Variants in SORCS2 observed in about 807,000 individuals in gnomAD.
SORCS2 encodes sortilin related VPS10 domain containing receptor 2.
A neutral mutation model predicts 141.6 loss-of-function variants in SORCS2; 100 were observed. The observed-to-expected ratio is 0.71, with a 90% confidence interval of 0.60 to 0.83. SORCS2 has a LOEUF of 0.83. Among genes scored for constraint, SORCS2 ranks in the 40% least tolerant of loss-of-function variants. The pLI is 0.00. For missense variants in SORCS2, 1,646 were observed against 1,560.2 expected, an observed-to-expected ratio of 1.05 and a Z score of -0.93; for synonymous variants, 789 against 676.9, an observed-to-expected ratio of 1.17 and a Z score of -2.57.
chr4:7,402,700 G>T (rs949613804), intron 2 of SORCS2, among the ~76,000 whole-genome samples: 2 of 152,166 alleles, frequency 1.3e-5, no homozygotes, highest in Admixed American at 6.5e-5. Context: ...GCTTATCTGT[G>T]AGGTGACTCA....
rs532293962 is a variant in SORCS2 at position 7,434,389 on chromosome 4, G to A, written c.548+38034G>A. ...GGTAAGGGGCCCATTGGCCATGAACGGAGCCACAGCCTCAAAGGTGTCCTC... is the reference window on the plus strand; with the variant it reads ...GGTAAGGGGCCCATTGGCCATGAACAGAGCCACAGCCTCAAAGGTGTCCTC... On this transcript the variant is annotated intron_variant, in intron 2 of 26. Transcript: ENST00000507866. 20 of 1,607,266 alleles carry A rather than the reference G, an allele frequency of 1.2e-5. No homozygotes were observed. The highest frequency in any genetic ancestry group is 2.2e-5 in the East Asian group (1 of 44,642).
intron 3 of SORCS2, among the ~76,000 whole-genome samples, chr4:7,597,365 G>A (rs1250963515): frequency 6.6e-6 from 1 of 150,654 alleles, no homozygotes; most frequent in African/African-American, 2.4e-5. Context: ...ATGAGAGAGG[G>A]GGCTGTGCAA....
At chr4:7,398,160 G>A (rs1300249517) in intron 2 of SORCS2, among the ~76,000 whole-genome samples, 1 of 152,204 alleles carries the variant, frequency 6.6e-6, no homozygotes, top group African/African-American at 2.4e-5. Context: ...TCCTTGTGCG[G>A]TGGGGGTGGG....
intron 1 of SORCS2, among the ~76,000 whole-genome samples, chr4:7,336,105 G>A (rs1015626806): frequency 2.1e-4 from 32 of 152,344 alleles, no homozygotes; most frequent in African/African-American, 7.0e-4. Context: ...GCCAGCTTCC[G>A]CGTCCCCATG....
At chr4:7,384,452 C>T (rs10003878) in intron 1 of SORCS2, among the ~76,000 whole-genome samples, 77,115 of 152,092 alleles carry the variant, frequency 0.51, 20,569 homozygotes, top group Non-Finnish European at 0.6. Context: ...CACTGCAGGT[C>T]AGACCTCGGG....
chr4:7,502,758 T>G (rs1305604859), intron 2 of SORCS2, among the ~76,000 whole-genome samples: 1 of 151,756 alleles, frequency 6.6e-6, no homozygotes, highest in Non-Finnish European at 1.5e-5. Context: ...CAACATGACC[T>G]CTGTGCTCAG....
At chr4:7,265,112 G>A (rs755738865) in intron 1 of SORCS2, among the ~76,000 whole-genome samples, 60 of 152,208 alleles carry the variant, frequency 3.9e-4, no homozygotes, top group Non-Finnish European at 6.3e-4. Context: ...TTAATGTCCC[G>A]TGGCTGCCGT....
chr4:7,206,747 G>T (rs148919677), intron 1 of SORCS2, among the ~76,000 whole-genome samples: 2 of 152,128 alleles, frequency 1.3e-5, no homozygotes, highest in African/African-American at 4.8e-5. Context: ...AGGGTACTCC[G>T]TGGTGAGAAA....
At chr4:7,590,508 G>A (rs1716845909) in intron 3 of SORCS2, among the ~76,000 whole-genome samples, 1 of 152,338 alleles carries the variant, frequency 6.6e-6, no homozygotes, top group South Asian at 2.1e-4. Flanking sequence ...TCTCCCCTCG[G>A]GAGCCGGGCT....
chr4:7,226,745 A>G (rs1560124639), intron 1 of SORCS2, among the ~76,000 whole-genome samples: 1 of 151,938 alleles, frequency 6.6e-6, no homozygotes, highest in Non-Finnish European at 1.5e-5. Context: ...GCCAGAGCTC[A>G]TGGGCAGACC....
chr4:7,503,179 A>G (rs1029082208), intron 2 of SORCS2, among the ~76,000 whole-genome samples: 1 of 152,182 alleles, frequency 6.6e-6, no homozygotes, highest in Non-Finnish European at 1.5e-5. Flanking sequence ...AGCCCCAAAC[A>G]TGGAAAATTC....
chr4:7,689,713 C>T, intron 11 of SORCS2, 125 bp downstream of exon 11: 1 of 819,148 alleles, frequency 1.2e-6, no homozygotes, highest in Non-Finnish European at 1.8e-6. Context: ...GAGGCAGTAC[C>T]ACTGCATCTC....
chr4:7,377,443 G>A (rs1328685306), intron 1 of SORCS2, among the ~76,000 whole-genome samples: 1 of 152,170 alleles, frequency 6.6e-6, no homozygotes, highest in Non-Finnish European at 1.5e-5. Flanking sequence ...TTCCCAGCAG[G>A]CGCTCAACAG....
At chr4:7,276,648 C>T (rs1026350584) in intron 1 of SORCS2, among the ~76,000 whole-genome samples, 1 of 152,182 alleles carries the variant, frequency 6.6e-6, no homozygotes, top group Non-Finnish European at 1.5e-5. Context: ...ACCCAGGGAG[C>T]TTCCTAAAAC....
At position 7,479,001 on chromosome 4, in the gene SORCS2, C is replaced by T. The variant is rs142105901; in HGVS notation, c.549-52529C>T. ...AAAAATGACTTCCGAGGGTTCCCCA[C>T]GAGCCTCCAGGGTCAAAGCTTCTCT... On this transcript the variant is annotated intron_variant, in intron 2 of 26. Transcript: ENST00000507866. Among the ~76,000 whole-genome samples the T allele has an allele frequency of 3.8e-3, 575 of 152,296 alleles. 1 individual carries two copies. Among genetic ancestry groups the T allele is most frequent in the Non-Finnish European group, 6.7e-3 (453 of 68,038 alleles).
chr4:7,724,029 C>T (rs1458840353), intron 19 of SORCS2, 146 bp downstream of exon 19: 3 of 975,998 alleles, frequency 3.1e-6, no homozygotes, highest in African/African-American at 3.3e-5. Context: ...GGCAGGGAGG[C>T]TGGGCTCAAA....
chr4:7,319,182 T>C (rs59420029), intron 1 of SORCS2, among the ~76,000 whole-genome samples: 2,667 of 152,136 alleles, frequency 0.018, 73 homozygotes, highest in African/African-American at 0.061. Context: ...AGGTGTATTT[T>C]TTTTTAACAT....
chr4:7,620,006 CTCCTCCTCCTCCTTCCTCCTCCTCCTCCT>C (rs1416311369), intron 3 of SORCS2, among the ~76,000 whole-genome samples: 1 of 2,030 alleles, frequency 4.9e-4, no homozygotes, highest in Non-Finnish European at 0.014. Context: ...CCTCTTTTTT[CTCCTCCTCCTCCTTCCTCCTCCTCCTCCT>C]TCCTCCTCCT....
chr4:7,739,398 C>T (rs773082884), intron 26 of SORCS2, among the ~76,000 whole-genome samples: 5 of 152,242 alleles, frequency 3.3e-5, no homozygotes, highest in East Asian at 1.9e-4. Context: ...AGACAGGGCT[C>T]GGCTCCCCAG....
Sources: gnomAD v4.1 joint callset for allele counts (sites outside exome capture counted in the v4.1 genomes callset) on GRCh38, gnomAD v4.1.1 for gene constraint, MANE v1.5 for transcripts, NCBI Gene and HGNC (gene_info 2026-07-23, HGNC 2026-07-21) for gene names.